DHRSX: variants seen among roughly 807,000 people sequenced by gnomAD.
DHRSX encodes polyprenol dehydrogenase.
DHRSX carries 31 observed loss-of-function variants against 34.0 expected under a neutral mutation model. The observed-to-expected ratio is 0.91, with a 90% CI of 0.69 to 1.23. The LOEUF is 1.23. DHRSX is among the 50% of genes most tolerant of loss of function. The pLI is 0.00. For missense variants in DHRSX, 414 were observed against 428.1 expected, an observed-to-expected ratio of 0.97 and a Z score of 0.29; for synonymous variants, 201 against 183.8, an observed-to-expected ratio of 1.09 and a Z score of -0.76.
intron 3 of DHRSX, among the ~76,000 whole-genome samples, chrX:2,401,390 C>T (rs1247447427): frequency 1.3e-5 from 2 of 152,168 alleles, no homozygotes; most frequent in Non-Finnish European, 2.9e-5. Flanking sequence ...GGATGACAGG[C>T]GTGAGCCATC....
At chrX:2,314,176 G>A (rs1429508924) in intron 3 of DHRSX, among the ~76,000 whole-genome samples, 1 of 124,948 alleles carries the variant, frequency 8.0e-6, no homozygotes, top group Admixed American at 8.8e-5. Flanking sequence ...AGGGAGGGAC[G>A]GAAGGAAGGA....
chrX:2,394,092 G>T (rs1389261945), intron 3 of DHRSX, among the ~76,000 whole-genome samples: 3 of 152,252 alleles, frequency 2.0e-5, no homozygotes, highest in African/African-American at 7.2e-5. Context: ...TGGGTTGGCA[G>T]ATGCAGGGGG....
chrX:2,340,946 A>G (rs1242589412), intron 3 of DHRSX, among the ~76,000 whole-genome samples: 2 of 152,084 alleles, frequency 1.3e-5, no homozygotes, highest in Non-Finnish European at 2.9e-5. Flanking sequence ...AGCAACGAAT[A>G]TTGCCTGCAT....
rs755231808 is a variant in DHRSX at position 2,457,906 on chromosome X, T to TCCTTC, written c.110-32603_110-32602insGAAGG. On this transcript the variant is annotated intron_variant, in intron 1 of 6. Transcript: ENST00000334651. Reference sequence around the variant, plus strand: ...AGCCAAGAGACGGCAGGGAATATGTTCCGTAAGCATGTAGCCAAGGGACCG... The same window carrying TCCTTC: ...AGCCAAGAGACGGCAGGGAATATGTTCCTTCCCGTAAGCATGTAGCCAAGGGACCG... Among the ~76,000 whole-genome samples the TCCTTC allele has an allele frequency of 2.3e-4, 34 of 148,460 alleles. No homozygotes were observed. In the South Asian group the frequency reaches 6.4e-3, roughly 28 times the overall value.
At chrX:2,470,922 T>C (rs1382381077) in intron 1 of DHRSX, among the ~76,000 whole-genome samples, 2 of 152,002 alleles carry the variant, frequency 1.3e-5, no homozygotes, top group African/African-American at 4.8e-5. Flanking sequence ...AGCTTGATTG[T>C]TAATATGTTA....
intron 6 of DHRSX, among the ~76,000 whole-genome samples, chrX:2,238,746 GC>G (rs2016074304): frequency 6.8e-6 from 1 of 146,276 alleles, no homozygotes; most frequent in South Asian, 2.2e-4. Context: ...ACCACACTCG[GC>G]TAATTTTTTT....
intron 3 of DHRSX, among the ~76,000 whole-genome samples, chrX:2,307,403 C>T (rs1005267908): frequency 2.6e-5 from 4 of 151,908 alleles, no homozygotes; most frequent in South Asian, 2.1e-4. Flanking sequence ...AAGCGTGAAC[C>T]GCAGCACTAC....
At chrX:2,490,604 A>G in intron 1 of DHRSX, 1 of 1,613,918 alleles carries the variant, frequency 6.2e-7, no homozygotes, top group Non-Finnish European at 8.5e-7. Flanking sequence ...CCACTGCAGG[A>G]TGCATCCCTC....
At chrX:2,357,949 A>G (rs1242683490) in intron 3 of DHRSX, among the ~76,000 whole-genome samples, 2 of 152,180 alleles carry the variant, frequency 1.3e-5, no homozygotes, top group Non-Finnish European at 2.9e-5. Context: ...TGAGAAAAAC[A>G]TCCTCTCTAC....
intron 1 of DHRSX, among the ~76,000 whole-genome samples, chrX:2,496,511 T>C (rs908067965): frequency 1.3e-5 from 2 of 152,080 alleles, no homozygotes; most frequent in African/African-American, 4.8e-5. Flanking sequence ...CCAATAGAGA[T>C]TTTAAATGTC....
chrX:2,267,393 A>G (rs1276766364), intron 4 of DHRSX, among the ~76,000 whole-genome samples: 1 of 151,948 alleles, frequency 6.6e-6, no homozygotes, highest in African/African-American at 2.4e-5. Context: ...AAAAATACAA[A>G]AATTAGCCAG....
chrX:2,479,484 G>A (rs761183356), intron 1 of DHRSX, among the ~76,000 whole-genome samples: 76 of 151,550 alleles, frequency 5.0e-4, no homozygotes, highest in Non-Finnish European at 8.8e-4. Flanking sequence ...ATGTGGCTAC[G>A]GGACCACCGT....
At chrX:2,416,171 A>C (rs1254722727) in intron 2 of DHRSX, among the ~76,000 whole-genome samples, 1 of 151,934 alleles carries the variant, frequency 6.6e-6, no homozygotes, top group African/African-American at 2.4e-5. Flanking sequence ...CATCCTGACC[A>C]ACACAACTAG....
At chrX:2,453,792 G>A (rs1231840353) in intron 1 of DHRSX, among the ~76,000 whole-genome samples, 1 of 152,054 alleles carries the variant, frequency 6.6e-6, no homozygotes, top group South Asian at 2.1e-4. Context: ...ATGACTAAAA[G>A]TAGATTTGAC....
intron 1 of DHRSX, among the ~76,000 whole-genome samples, chrX:2,474,924 G>A (rs1034328117): frequency 4.7e-5 from 7 of 149,434 alleles, no homozygotes; most frequent in Admixed American, 2.0e-4. Context: ...CACTGAAGAC[G>A]TTCCCTAAAA....
chrX:2,231,018 T>C (rs2124408674), intron 6 of DHRSX, among the ~76,000 whole-genome samples: 1 of 152,250 alleles, frequency 6.6e-6, no homozygotes, highest in Non-Finnish European at 1.5e-5. Context: ...GCTCATCTCT[T>C]AGCTTGAGTC....
At chrX:2,382,973 C>G (rs905606282) in intron 3 of DHRSX, among the ~76,000 whole-genome samples, 1 of 62,702 alleles carries the variant, frequency 1.6e-5, no homozygotes, top group Non-Finnish European at 3.8e-5. Context: ...CCATCACCAT[C>G]ATCACCATCA....
At chrX:2,435,666 G>A (rs986609508) in intron 1 of DHRSX, among the ~76,000 whole-genome samples, 1 of 152,154 alleles carries the variant, frequency 6.6e-6, no homozygotes, top group African/African-American at 2.4e-5. Context: ...GTGGGAGGCT[G>A]AGATGGGAGG....
intron 3 of DHRSX, among the ~76,000 whole-genome samples, chrX:2,373,039 TCA>T (rs1313261658): frequency 1.3e-5 from 2 of 152,200 alleles, no homozygotes; most frequent in African/African-American, 2.4e-5. Context: ...TTTAATGGAC[TCA>T]CAGTTCCACG....
Sources: allele counts gnomAD v4.1 joint callset (sites outside exome capture counted in the v4.1 genomes callset), GRCh38; gene constraint gnomAD v4.1.1; transcripts MANE v1.5; gene names NCBI Gene and HGNC (gene_info 2026-07-23, HGNC 2026-07-21).